Variants in LRRIQ3 observed in about 807,000 individuals in gnomAD.
LRRIQ3 encodes the protein leucine-rich repeat and IQ domain-containing protein 3.
Under a neutral mutation model 59.3 loss-of-function variants are expected in LRRIQ3, and 75 were observed. The ratio of observed to expected loss-of-function variants is 1.26; its 90% CI spans 1.05 to 1.53. The LOEUF is 1.53. Among genes scored for constraint, LRRIQ3 ranks in the 40% most tolerant of loss-of-function variants. LRRIQ3 has a pLI of 0.00. For missense variants in LRRIQ3, 831 were observed against 710.0 expected (o/e 1.17, Z -1.94); for synonymous variants, 250 against 231.3 (o/e 1.08, Z -0.73).
At position 74,139,016 on chromosome 1, in the gene LRRIQ3, A is replaced by G. The variant is rs1384423961; in HGVS notation, c.707+16717T>C. ...TAACAAGACCCTGTCTCTACAAAAAATAAAGAAATAAAACACAAACACAAA... is the reference window on the plus strand; with the variant it reads ...TAACAAGACCCTGTCTCTACAAAAAGTAAAGAAATAAAACACAAACACAAA... On this transcript the variant is annotated intron_variant, in intron 4 of 7. Transcript: ENST00000354431. Among the ~76,000 whole-genome samples the G allele has an allele frequency of 2.6e-5, 4 of 151,590 alleles. No homozygotes were observed. In the East Asian group the frequency reaches 7.8e-4, roughly 30 times the overall value.
intron 5 of LRRIQ3, among the ~76,000 whole-genome samples, chr1:74,087,126 G>A (rs1646335038): frequency 6.6e-6 from 1 of 151,896 alleles, no homozygotes; most frequent in South Asian, 2.1e-4. Context: ...TCCACATATG[G>A]TATTAAAATA....
intron 6 of LRRIQ3, among the ~76,000 whole-genome samples, chr1:74,060,108 G>C (rs1654656672): frequency 6.6e-6 from 1 of 151,696 alleles, no homozygotes; most frequent in Non-Finnish European, 1.5e-5. Flanking sequence ...TGGAAATTTT[G>C]TGGTAATGTC....
chr1:74,087,497 T>C (rs976247924), intron 5 of LRRIQ3, among the ~76,000 whole-genome samples: 1 of 149,986 alleles, frequency 6.7e-6, no homozygotes, highest in African/African-American at 2.4e-5. Flanking sequence ...TCTGTATTCC[T>C]CTATTACCTC....
intron 6 of LRRIQ3, among the ~76,000 whole-genome samples, chr1:74,042,541 C>G (rs1187263549): frequency 6.6e-6 from 1 of 151,940 alleles, no homozygotes; most frequent in African/African-American, 2.4e-5. Flanking sequence ...GTAAGTTAGG[C>G]TTTCAGTTTG....
intron 7 of LRRIQ3, among the ~76,000 whole-genome samples, chr1:74,037,427 C>T (rs1051496982): frequency 5.9e-5 from 9 of 152,100 alleles, no homozygotes; most frequent in Non-Finnish European, 1.0e-4. Flanking sequence ...CACCTGAGGT[C>T]AGGAGCTGGA....
rs762086903 is a variant in LRRIQ3 at position 74,041,265 on chromosome 1, G to A, written c.1666C>T (p.Leu556=). 1.3e-6 allele frequency: 2 copies of A among 1,594,116 alleles called. No homozygotes were observed. Among genetic ancestry groups the A allele is most frequent in the Non-Finnish European group, 1.7e-6 (2 of 1,174,200 alleles). Reference sequence around the variant, plus strand: ...TTCTTTCTATATTTTTCTGCTTTTAGTTTTTGCTTAACAATCAGGCTTTTC... The same window carrying A: ...TTCTTTCTATATTTTTCTGCTTTTAATTTTTGCTTAACAATCAGGCTTTTC... ...KEKSLIVKQK[L]KAEKYRKNLL... The change falls in exon 7 of 8, where the codon CTA becomes TTA. Residue 556 remains leucine (L), a synonymous_variant. Transcript: ENST00000354431.
intron 4 of LRRIQ3, among the ~76,000 whole-genome samples, chr1:74,142,534 C>A (rs1014573679): frequency 6.6e-6 from 1 of 151,860 alleles, no homozygotes; most frequent in Non-Finnish European, 1.5e-5. Context: ...GAGTAGGTAG[C>A]CAAAGCCTAT....
At chr1:74,131,297 C>G (rs1647015447) in intron 4 of LRRIQ3, among the ~76,000 whole-genome samples, 1 of 152,074 alleles carries the variant, frequency 6.6e-6, no homozygotes, top group Non-Finnish European at 1.5e-5. Context: ...ACTAGACGTA[C>G]AAGGAGGAGC....
chr1:74,057,492 C>A (rs1654571807), intron 6 of LRRIQ3, among the ~76,000 whole-genome samples: 1 of 152,030 alleles, frequency 6.6e-6, no homozygotes, highest in East Asian at 1.9e-4. Flanking sequence ...AATACTCATT[C>A]AACAAGGACA....
intron 1 of LRRIQ3, among the ~76,000 whole-genome samples, chr1:74,194,541 T>C (rs1412824): frequency 0.32 from 48,477 of 152,072 alleles, 9,253 homozygotes; most frequent in East Asian, 0.73. Flanking sequence ...TATATACTTC[T>C]GTTCAGAAAA....
chr1:74,057,578 C>A (rs1222624762), intron 6 of LRRIQ3, among the ~76,000 whole-genome samples: 1 of 152,004 alleles, frequency 6.6e-6, no homozygotes, highest in Admixed American at 6.6e-5. Context: ...TATCTCTCAC[C>A]ATATAAAAAA....
At chr1:74,122,092 T>C (rs1443041429) in intron 4 of LRRIQ3, among the ~76,000 whole-genome samples, 1 of 152,136 alleles carries the variant, frequency 6.6e-6, no homozygotes, top group Non-Finnish European at 1.5e-5. Flanking sequence ...CCTTTGGGTA[T>C]ATACCCAGTA....
chr1:74,140,429 A>G (rs981433077), intron 4 of LRRIQ3, among the ~76,000 whole-genome samples: 1 of 151,632 alleles, frequency 6.6e-6, no homozygotes, highest in Non-Finnish European at 1.5e-5. Flanking sequence ...ACAAAATTTG[A>G]CCTAACTATA....
intron 6 of LRRIQ3, among the ~76,000 whole-genome samples, chr1:74,043,184 A>C (rs1417310249): frequency 1.3e-5 from 2 of 152,110 alleles, no homozygotes; most frequent in Admixed American, 1.3e-4. Context: ...ACAAGTATAA[A>C]AGTTATGCTT....
At chr1:74,185,740 A>G (rs1453750670) in intron 1 of LRRIQ3, among the ~76,000 whole-genome samples, 1 of 151,850 alleles carries the variant, frequency 6.6e-6, no homozygotes, top group South Asian at 2.1e-4. Context: ...TCAGGAGATC[A>G]AGACCATCCT....
At chr1:74,058,581 G>C (rs1654607905) in intron 6 of LRRIQ3, among the ~76,000 whole-genome samples, 1 of 152,020 alleles carries the variant, frequency 6.6e-6, no homozygotes, top group Non-Finnish European at 1.5e-5. Flanking sequence ...TTGGAGAAGG[G>C]AAATAGTCAG....
chr1:74,049,332 T>C (rs969131342), intron 6 of LRRIQ3, among the ~76,000 whole-genome samples: 1 of 152,188 alleles, frequency 6.6e-6, no homozygotes, highest in African/African-American at 2.4e-5. Flanking sequence ...TGATATGGTA[T>C]GTGATTTACC....
At chr1:74,127,514 C>A (rs1216906520) in intron 4 of LRRIQ3, among the ~76,000 whole-genome samples, 1 of 151,646 alleles carries the variant, frequency 6.6e-6, no homozygotes, top group Admixed American at 6.6e-5. Context: ...GATACCATGA[C>A]CCTTGCAAAT....
intron 4 of LRRIQ3, among the ~76,000 whole-genome samples, chr1:74,118,608 T>C (rs749559483): frequency 1.3e-5 from 2 of 152,018 alleles, no homozygotes; most frequent in Non-Finnish European, 2.9e-5. Flanking sequence ...GTAGTATAAG[T>C]TTCAAGAACG....
Sources: gnomAD v4.1 joint callset for allele counts (sites outside exome capture counted in the v4.1 genomes callset) on GRCh38, gnomAD v4.1.1 for gene constraint, MANE v1.5 for transcripts, NCBI Gene and HGNC (gene_info 2026-07-23, HGNC 2026-07-21) for gene names.